The following CAPN2 variants were observed in gnomAD, a reference collection of about 807,000 sequenced individuals.
CAPN2 encodes the protein calpain-2 catalytic subunit.
A neutral mutation model predicts 102.3 loss-of-function variants in CAPN2; 92 were observed. The ratio of observed to expected loss-of-function variants is 0.90; its 90% CI spans 0.76 to 1.07. The LOEUF is 1.07. Ranked by LOEUF, CAPN2 falls within the 50% of genes least tolerant of loss-of-function variation. The pLI, the probability that CAPN2 is intolerant of heterozygous loss-of-function variation, is 0.00. For missense variants in CAPN2, 800 were observed against 909.4 expected, an observed-to-expected ratio of 0.88 and a Z score of 1.55; for synonymous variants, 340 against 355.4, an observed-to-expected ratio of 0.96 and a Z score of 0.49.
rs765853794 is a variant in CAPN2, at chr1:223,712,698, T to A, written c.58T>A (p.Ser20Thr). ...CCGGGAGGCGGCCGAGGGGCTGGGC[T>A]CCCACGACAGGGCCATCAAGTACCT... ...KDREAAEGLGSHDRAIKYLNQ... is the reference protein window; with the variant it reads ...KDREAAEGLGTHDRAIKYLNQ... Residue 20 changes from serine to threonine, a missense_variant, in exon 1 of 21, where the codon TCC becomes ACC. Coordinates refer to ENST00000295006, the MANE Select transcript of CAPN2 (RefSeq NM_001748.5). 4 of 1,554,834 alleles carry A rather than the reference T, an allele frequency of 2.6e-6. No homozygotes were observed. The highest frequency in any genetic ancestry group is 2.6e-6 in the Non-Finnish European group (3 of 1,152,654).
At chr1:223,766,738 A>G (rs1661343601) in intron 16 of CAPN2, among the ~76,000 whole-genome samples, 1 of 151,876 alleles carries the variant, frequency 6.6e-6, no homozygotes, top group Non-Finnish European at 1.5e-5. Context: ...GGGCCTCCTG[A>G]CTCACGAGGT....
At position 223,744,200 on chromosome 1, in the gene CAPN2, A is replaced by G; in HGVS notation, c.408A>G (p.Ala136=). The G allele has an allele frequency of 2.5e-6, 4 of 1,612,398 alleles. No individual in the cohort carries two copies. The South Asian group carries it at 4.4e-5, about 18-fold the overall frequency. ...ACCAGAGCTTCCAGGAAAACTATGC[A>G]GGGATCTTTCACTTCCAGGTAACTT... ...PLNQSFQENY[A]GIFHFQFWQY... Residue 136 remains alanine, a synonymous_variant, in exon 3 of 21, where the codon GCA becomes GCG. Coordinates refer to ENST00000295006, the MANE Select transcript of CAPN2 (RefSeq NM_001748.5).
At chr1:223,770,570 G>A (rs16842162) in intron 18 of CAPN2, 45 bp downstream of exon 18, 111,120 of 1,259,958 alleles carry the variant, frequency 0.088, 5,608 homozygotes, top group African/African-American at 0.19. Context: ...TAATCTGTCT[G>A]TAGAATATGT....
rs549700705 is a variant in CAPN2, at chr1:223,726,460, C to T, written c.307+8629C>T. On this transcript the variant is annotated intron_variant, in intron 2 of 20. Transcript: ENST00000295006. This position sits in a 1 kb window ranked among gnomAD's most constrained non-coding sequence, Gnocchi z 4.4. ...GCTGCAGGGAACAGGGACACAAAAA[C>T]GACAAAACATGCAACAGGTTATGTC... Among the ~76,000 whole-genome samples the T allele has an allele frequency of 5.3e-5, 8 of 152,270 alleles. No homozygotes were observed. Among genetic ancestry groups the T allele is most frequent in the East Asian group, 1.9e-4 (1 of 5,178 alleles).
chr1:223,748,088 C>G (rs1383474691), intron 5 of CAPN2, among the ~76,000 whole-genome samples: 1 of 152,218 alleles, frequency 6.6e-6, no homozygotes, highest in Non-Finnish European at 1.5e-5. Context: ...TCCCCTCCAT[C>G]TGCAGTGCTG....
chr1:223,768,688 A>G (rs1452270141), intron 16 of CAPN2, among the ~76,000 whole-genome samples: 2 of 148,530 alleles, frequency 1.3e-5, no homozygotes, highest in Non-Finnish European at 3.0e-5. Flanking sequence ...TTGGTTCCAT[A>G]TGAACTTTAA....
At chr1:223,749,284 T>C (rs992880846) in intron 6 of CAPN2, 162 bp downstream of exon 6, 9 of 630,668 alleles carry the variant, frequency 1.4e-5, no homozygotes, top group Non-Finnish European at 2.2e-5. Flanking sequence ...AGGGCGTCCC[T>C]TTCGCAGCTC....
At chr1:223,748,727 G>A (rs1217650929) in intron 5 of CAPN2, among the ~76,000 whole-genome samples, 3 of 151,350 alleles carry the variant, frequency 2.0e-5, no homozygotes, top group South Asian at 2.1e-4. Flanking sequence ...TCTCTCGGCC[G>A]TGCGCCCTTT....
intron 2 of CAPN2, among the ~76,000 whole-genome samples, chr1:223,722,281 C>CTTTTTTTTTTTTTTTTTTTTT (rs34894876): frequency 1.2e-3 from 105 of 85,394 alleles, no homozygotes; most frequent in Admixed American, 1.7e-3. Context: ...TTCTTTCTTT[C>CTTTTTTTTTTTTTTTTTTTTT]TTTTTTTTTT....
chr1:223,755,381 C>T lies in CAPN2; in HGVS notation c.1136-99C>T, dbSNP rs903399598. 14 of 1,185,064 alleles carry T rather than the reference C, an allele frequency of 1.2e-5. No homozygotes were observed. The highest frequency in any genetic ancestry group is 1.7e-5 in the Non-Finnish European group (14 of 822,294). 73.4% of individuals were successfully genotyped at this position (1,185,064 alleles called of 1,614,324 possible). Reference sequence around the variant, plus strand: ...ACCTCCCACCATCTCCCTTTATCTCCATCCCTCTCAGAAGCCTCCAAGCCT... The same window carrying T: ...ACCTCCCACCATCTCCCTTTATCTCTATCCCTCTCAGAAGCCTCCAAGCCT... On this transcript the variant is annotated intron_variant, in intron 9 of 20. Coordinates refer to ENST00000295006, the MANE Select transcript of CAPN2 (RefSeq NM_001748.5). The surrounding 1 kb of genome is among the most constrained non-coding windows in gnomAD (Gnocchi z 4.1).
intron 14 of CAPN2, 74 bp from the exon 15 acceptor site, chr1:223,764,076 C>T (rs1661252031): frequency 1.7e-6 from 2 of 1,163,348 alleles, no homozygotes; most frequent in Non-Finnish European, 2.6e-6. Flanking sequence ...CTACCTAATG[C>T]ACTGGTGTCC....
At chr1:223,750,814 G>T in intron 6 of CAPN2, 76 bp from the exon 7 acceptor site, 1 of 1,355,834 alleles carries the variant, frequency 7.4e-7, no homozygotes, top group Non-Finnish European at 1.0e-6. Flanking sequence ...CATGCGGAAG[G>T]GGGTTGGAGG....
At position 223,712,556 on chromosome 1, in the gene CAPN2, GCC is replaced by G; in HGVS notation, c.-84_-83del. On this transcript the variant is annotated 5_prime_UTR_variant, in exon 1 of 21. Coordinates refer to ENST00000295006, the MANE Select transcript of CAPN2 (RefSeq NM_001748.5). ...GCGCCCGCAGTGGCCGCAGCAGCGC[GCC>G]GGGCCCTGGCCGCGCCCCAGCCGAG... 1 of 1,314,870 alleles carries G rather than the reference GCC, an allele frequency of 7.6e-7. No homozygotes were observed. Among genetic ancestry groups the G allele is most frequent in the Non-Finnish European group, 9.6e-7 (1 of 1,036,538 alleles). 81.5% of individuals were successfully genotyped at this position (1,314,870 alleles called of 1,614,324 possible). A position where few individuals can be genotyped will look rare whatever the true frequency, so the allele number is the denominator to read the frequency against.
intron 10 of CAPN2, 84 bp from the exon 11 acceptor site, chr1:223,757,283 CGG>C: frequency 2.1e-6 from 3 of 1,427,840 alleles, no homozygotes; most frequent in Non-Finnish European, 3.0e-6. Flanking sequence ...ACAGAGAAAA[CGG>C]GGGCAGCGGA....
At chr1:223,737,148 G>A (rs569004578) in intron 2 of CAPN2, among the ~76,000 whole-genome samples, 2 of 152,338 alleles carry the variant, frequency 1.3e-5, no homozygotes, top group East Asian at 3.9e-4. Context: ...GCCCCTGCTT[G>A]ACTAAGCATA....
At chr1:223,704,028 C>T (rs1182880942) in intron 1 of CAPN2, among the ~76,000 whole-genome samples, 1 of 151,968 alleles carries the variant, frequency 6.6e-6, no homozygotes, top group Non-Finnish European at 1.5e-5. Flanking sequence ...TGGTGGCTCA[C>T]ACCTGTAATC....
At position 223,726,709 on chromosome 1, in the gene CAPN2, A is replaced by G. The variant is rs991719888; in HGVS notation, c.307+8878A>G. ...TGCAGTTTAGGGAAGGAGGCTGAAG[A>G]CTTCTTGTTAATAAGGGTGGGGCAT... On this transcript the variant is annotated intron_variant, in intron 2 of 20. Coordinates refer to ENST00000295006, the MANE Select transcript of CAPN2 (RefSeq NM_001748.5). The surrounding 1 kb of genome is among the most constrained non-coding windows in gnomAD (Gnocchi z 4.4). Among the ~76,000 whole-genome samples the G allele has an allele frequency of 2.6e-5, 4 of 152,116 alleles. No individual in the cohort carries two copies. The highest frequency in any genetic ancestry group is 7.2e-5 in the African/African-American group (3 of 41,422).
At chr1:223,766,946 C>T (rs28370160) in intron 16 of CAPN2, among the ~76,000 whole-genome samples, 3,127 of 150,592 alleles carry the variant, frequency 0.021, 108 homozygotes, top group East Asian at 0.1. Context: ...GGTGACAGAG[C>T]GTGACTCATC....
At chr1:223,719,770 T>C (rs997168159) in intron 2 of CAPN2, among the ~76,000 whole-genome samples, 1 of 152,108 alleles carries the variant, frequency 6.6e-6, no homozygotes, top group Admixed American at 6.5e-5. Context: ...TAAAAATTTC[T>C]TAGTAGCTAG....
Sources: gnomAD v4.1 joint callset for allele counts (sites outside exome capture counted in the v4.1 genomes callset) on GRCh38, gnomAD v4.1.1 for gene constraint, Gnocchi (gnomAD v3.1) non-coding constraint, MANE v1.5 for transcripts, NCBI Gene and HGNC (gene_info 2026-07-23, HGNC 2026-07-21) for gene names.